LHX4: variants seen among roughly 807,000 people sequenced by gnomAD.
LHX4 encodes LIM/homeobox protein Lhx4.
LHX4 carries 16 observed loss-of-function variants against 39.2 expected under a neutral mutation model. The ratio of observed to expected loss-of-function variants is 0.41; its 90% CI spans 0.28 to 0.62. The LOEUF (loss-of-function observed/expected upper bound fraction) is 0.62, where lower values mean the gene tolerates loss of function less well. LHX4 is among the 20% of genes least tolerant of loss of function. The probability of loss-of-function intolerance (pLI) is 0.33; values close to 1 mark genes in which losing one functional copy is unlikely to be tolerated. For synonymous variants in LHX4, 206 were observed against 198.1 expected (o/e 1.04, Z -0.33); for missense variants, 439 against 511.9 (o/e 0.86, Z 1.37).
chr1:180,274,677 G>A lies in LHX4; in HGVS notation c.*98G>A, dbSNP rs542243627. ...TTTTAAGGATCGAAAGTACGCCAAT[G>A]TGAATTTCCATTATTTTCAATGGAA... On this transcript the variant is annotated 3_prime_UTR_variant, in exon 6 of 6. Transcript: ENST00000263726. The A allele has an allele frequency of 2.9e-6, 4 of 1,359,624 alleles. No individual in the cohort carries two copies. Among genetic ancestry groups the A allele is most frequent in the Admixed American group, 2.3e-5 (1 of 43,972 alleles). 84.2% of individuals were successfully genotyped at this position (1,359,624 alleles called of 1,614,324 possible). A position where few individuals can be genotyped will look rare whatever the true frequency, so the allele number is the denominator to read the frequency against.
intron 5 of LHX4, chr1:180,272,984 A>G (rs188127928): frequency 1.3e-5 from 2 of 152,360 alleles, no homozygotes; most frequent in East Asian, 3.9e-4. Flanking sequence ...GGAAAAGGCT[A>G]ACTCATGGCC....
intron 3 of LHX4, chr1:180,269,719 T>C (rs1648518306): frequency 6.6e-6 from 1 of 152,234 alleles, no homozygotes; most frequent in Non-Finnish European, 1.5e-5. Context: ...CTATTTCCCA[T>C]TTGCATAATT....
rs1664264904 is a variant in LHX4, at chr1:180,234,455, T to C, written c.76+3850T>C. 6.6e-6 allele frequency among the ~76,000 whole-genome samples: 1 copy of C among 151,938 alleles called. No individual in the cohort carries two copies. Among genetic ancestry groups the C allele is most frequent in the Non-Finnish European group, 1.5e-5 (1 of 67,954 alleles). On this transcript the variant is annotated intron_variant, in intron 1 of 5. Coordinates refer to ENST00000263726, the MANE Select transcript of LHX4 (RefSeq NM_033343.4). The surrounding 1 kb of genome is among the most constrained non-coding windows in gnomAD (Gnocchi z 4.8). ...AGCTGTGTACCACAAAGAAGGGAGT[T>C]TGGAGAAACCCGGGTAAGCGCGGCA...
At chr1:180,237,241 T>G (rs1301502931) in intron 1 of LHX4, among the ~76,000 whole-genome samples, 1 of 151,946 alleles carries the variant, frequency 6.6e-6, no homozygotes, top group Admixed American at 6.5e-5. Context: ...AGGGCGGTCG[T>G]GTGTCCAGCA....
chr1:180,264,773 C>T (rs1648248946), intron 2 of LHX4, among the ~76,000 whole-genome samples: 1 of 152,190 alleles, frequency 6.6e-6, no homozygotes, highest in South Asian at 2.1e-4. Flanking sequence ...TCTAAATGGG[C>T]CCCATCTCTC....
At position 180,230,711 on chromosome 1, in the gene LHX4, G is replaced by A. The variant is rs2149250438; in HGVS notation, c.76+106G>A. ...CGCTCAGGGGCCGGGAGGGGCTGGCGGCCGGGGCGCAGAGGCGGTCACAGG... is the reference window on the plus strand; with the variant it reads ...CGCTCAGGGGCCGGGAGGGGCTGGCAGCCGGGGCGCAGAGGCGGTCACAGG... On this transcript the variant is annotated intron_variant, in intron 1 of 5. Transcript: ENST00000263726. The surrounding 1 kb of genome is among the most constrained non-coding windows in gnomAD (Gnocchi z 5.8). 9 of 1,096,108 alleles carry A rather than the reference G, an allele frequency of 8.2e-6. No individual in the cohort carries two copies. Among genetic ancestry groups the A allele is most frequent in the East Asian group, 5.0e-5 (2 of 39,674 alleles). The allele number at this position is 1,096,108 out of a possible 1,614,324, so 67.9% of individuals were successfully genotyped here. A position where few individuals can be genotyped will look rare whatever the true frequency, so the allele number is the denominator to read the frequency against.
At chr1:180,242,315 G>C (rs1227360655) in intron 1 of LHX4, among the ~76,000 whole-genome samples, 12 of 152,082 alleles carry the variant, frequency 7.9e-5, no homozygotes, top group Admixed American at 7.9e-4. Flanking sequence ...ATGTGAATAT[G>C]CATGTACATT....
chr1:180,262,800 GTTCA>G (rs1230657071), intron 2 of LHX4, among the ~76,000 whole-genome samples: 2 of 152,102 alleles, frequency 1.3e-5, no homozygotes, highest in East Asian at 3.9e-4. Context: ...TTGCTCATTC[GTTCA>G]TTCATTCATT....
chr1:180,254,519 G>A (rs1014240197), intron 2 of LHX4, among the ~76,000 whole-genome samples: 5 of 152,244 alleles, frequency 3.3e-5, no homozygotes, highest in African/African-American at 1.2e-4. Flanking sequence ...TCTGCCTGGC[G>A]TGGCTGCAGG....
chr1:180,229,686 G>A (rs923950045), upstream of LHX4, among the ~76,000 whole-genome samples: 4 of 151,892 alleles, frequency 2.6e-5, no homozygotes, highest in Admixed American at 1.3e-4. Flanking sequence ...GCGAAGCCGG[G>A]GACCGAGAGC....
At chr1:180,242,616 A>C (rs1472982018) in intron 1 of LHX4, among the ~76,000 whole-genome samples, 1 of 152,132 alleles carries the variant, frequency 6.6e-6, no homozygotes, top group African/African-American at 2.4e-5. Context: ...GTCCCTCTGC[A>C]TGACTAGGAA....
chr1:180,258,547 C>G (rs944511330), intron 2 of LHX4, among the ~76,000 whole-genome samples: 5 of 152,120 alleles, frequency 3.3e-5, no homozygotes, highest in South Asian at 2.1e-4. Context: ...TGGGCGGAAG[C>G]GGGGAGACTG....
intron 1 of LHX4, 130 bp from the exon 2 acceptor site, chr1:180,248,155 C>A: frequency 3.6e-6 from 3 of 822,146 alleles, no homozygotes; most frequent in Non-Finnish European, 4.1e-6. Context: ...CAACTATATG[C>A]AACAGCTCTG....
Position 180,230,905 on chromosome 1 carries a change from A to G in LHX4, c.76+300A>G, listed in dbSNP as rs1571250878. Among the ~76,000 whole-genome samples, 1 of 152,188 alleles carries G rather than the reference A, an allele frequency of 6.6e-6. No individual in the cohort carries two copies. The highest frequency in any genetic ancestry group is 1.9e-4 in the East Asian group (1 of 5,182). On this transcript the variant is annotated intron_variant, in intron 1 of 5. Coordinates refer to ENST00000263726, the MANE Select transcript of LHX4 (RefSeq NM_033343.4). This position sits in a 1 kb window ranked among gnomAD's most constrained non-coding sequence, Gnocchi z 5.8. The stretch of plus-strand genomic sequence containing the variant: ...GGGAGAGTGCTGTTTGGGGACACCC[A>G]GGGGTACGAGCTGTAGGCCAGGCCT...
chr1:180,245,794 C>A (rs1647359396), intron 1 of LHX4, among the ~76,000 whole-genome samples: 1 of 122,760 alleles, frequency 8.1e-6, no homozygotes, highest in African/African-American at 2.9e-5. Context: ...GAGGCTAAGT[C>A]ATTTTTCCAA....
chr1:180,236,541 G>T (rs1023742867), intron 1 of LHX4, among the ~76,000 whole-genome samples: 1 of 152,170 alleles, frequency 6.6e-6, no homozygotes, highest in Non-Finnish European at 1.5e-5. Context: ...TTAGTTAACA[G>T]GAATTAACTG....
intron 2 of LHX4, among the ~76,000 whole-genome samples, chr1:180,264,123 C>A (rs967570481): frequency 6.6e-6 from 1 of 152,090 alleles, no homozygotes; most frequent in Non-Finnish European, 1.5e-5. Context: ...CACCACTACA[C>A]CCGGCTAATT....
intron 1 of LHX4, among the ~76,000 whole-genome samples, chr1:180,231,509 C>T (rs994646676): frequency 6.7e-6 from 1 of 149,520 alleles, no homozygotes; most frequent in East Asian, 2.0e-4. Context: ...GAGCGAGAGT[C>T]CCCGAGAGGG....
At chr1:180,264,563 C>T (rs1648241823) in intron 2 of LHX4, among the ~76,000 whole-genome samples, 1 of 152,188 alleles carries the variant, frequency 6.6e-6, no homozygotes. Flanking sequence ...TCAGGTTCGG[C>T]CATCTCCGTG....
Sources: gnomAD v4.1 joint callset for allele counts (sites outside exome capture counted in the v4.1 genomes callset) on GRCh38, gnomAD v4.1.1 for gene constraint, Gnocchi (gnomAD v3.1) non-coding constraint, MANE v1.5 for transcripts, NCBI Gene and HGNC (gene_info 2026-07-23, HGNC 2026-07-21) for gene names.